Variants in CMSS1 observed in about 807,000 individuals in gnomAD.
CMSS1 encodes protein CMSS1.
A neutral mutation model predicts 43.5 loss-of-function variants in CMSS1; 33 were observed. That is an observed-to-expected ratio of 0.76 (90% confidence interval 0.57 to 1.01). CMSS1 has a LOEUF of 1.01. CMSS1 is among the 50% of genes least tolerant of loss of function. CMSS1 has a pLI of 0.00. For missense variants in CMSS1, 313 were observed against 326.4 expected, an observed-to-expected ratio of 0.96 and a Z score of 0.32; for synonymous variants, 115 against 117.2, an observed-to-expected ratio of 0.98 and a Z score of 0.12.
intron 1 of CMSS1, among the ~76,000 whole-genome samples, chr3:99,893,040 C>A (rs1389623444): frequency 1.3e-5 from 2 of 152,012 alleles, no homozygotes; most frequent in Admixed American, 6.6e-5. Context: ...TGCTAAGATG[C>A]AAGCATGATG....
chr3:99,900,611 C>T (rs1370064102), intron 1 of CMSS1, among the ~76,000 whole-genome samples: 4 of 152,270 alleles, frequency 2.6e-5, no homozygotes, highest in East Asian at 3.9e-4. Flanking sequence ...TTGTTCCAAC[C>T]ATTTCTTCAC....
intron 1 of CMSS1, chr3:99,850,547 T>G: frequency 6.2e-7 from 1 of 1,613,806 alleles, no homozygotes; most frequent in Non-Finnish European, 8.5e-7. Flanking sequence ...AGCACACGTT[T>G]CCTGAGCTCT....
intron 1 of CMSS1, among the ~76,000 whole-genome samples, chr3:99,918,757 A>T (rs1044963432): frequency 7.2e-5 from 11 of 152,210 alleles, no homozygotes; most frequent in Non-Finnish European, 1.5e-5. Flanking sequence ...TCCAGCATGT[A>T]TGAACACAAG....
At chr3:100,005,368 G>GA (rs1709958822) in intron 1 of CMSS1, among the ~76,000 whole-genome samples, 1 of 152,162 alleles carries the variant, frequency 6.6e-6, no homozygotes, top group South Asian at 2.1e-4. Flanking sequence ...ATTAGGATGG[G>GA]ATCTCAGAGT....
intron 1 of CMSS1, among the ~76,000 whole-genome samples, chr3:100,044,585 A>G (rs2065251570): frequency 6.6e-6 from 1 of 152,204 alleles, no homozygotes; most frequent in Admixed American, 6.5e-5. Context: ...AAGAGAGGGA[A>G]GTAGAAAGAT....
chr3:99,976,849 C>G (rs931095816), intron 1 of CMSS1, among the ~76,000 whole-genome samples: 1 of 151,930 alleles, frequency 6.6e-6, no homozygotes, highest in Non-Finnish European at 1.5e-5. Flanking sequence ...CTGTTCTTTC[C>G]TCCTGTTCAG....
intron 3 of CMSS1, among the ~76,000 whole-genome samples, chr3:100,161,955 A>G (rs1440852083): frequency 1.3e-5 from 2 of 152,208 alleles, no homozygotes; most frequent in Non-Finnish European, 2.9e-5. Context: ...CTACAGGAAT[A>G]TAAATCATCT....
At chr3:99,903,921 C>G (rs1281414821) in intron 1 of CMSS1, among the ~76,000 whole-genome samples, 1 of 152,190 alleles carries the variant, frequency 6.6e-6, no homozygotes. Context: ...AAAAACTCTT[C>G]ATTTGGTAAT....
rs2066507096 is a variant in CMSS1 at position 100,112,406 on chromosome 3, C to G, written c.65-34567C>G. On this transcript the variant is annotated intron_variant, in intron 1 of 9. Coordinates refer to ENST00000421999, the MANE Select transcript of CMSS1 (RefSeq NM_032359.4). ...GCAATGGCAGTCTCCTACAATAGCACTCTATTAAAGGCACCATCATTTCAA... is the reference window on the plus strand; with the variant it reads ...GCAATGGCAGTCTCCTACAATAGCAGTCTATTAAAGGCACCATCATTTCAA... Among the ~76,000 whole-genome samples, 3 of 152,188 alleles carry G rather than the reference C, an allele frequency of 2.0e-5. No homozygotes were observed. The South Asian group carries it at 6.2e-4, about 31-fold the overall frequency.
intron 1 of CMSS1, among the ~76,000 whole-genome samples, chr3:100,056,720 C>A (rs1006535958): frequency 2.6e-5 from 4 of 151,068 alleles, no homozygotes; most frequent in African/African-American, 9.7e-5. Flanking sequence ...AAAAATGGGG[C>A]CGGGCGCGGT....
intron 1 of CMSS1, among the ~76,000 whole-genome samples, chr3:99,843,749 G>A (rs923454683): frequency 3.3e-5 from 5 of 152,032 alleles, no homozygotes; most frequent in African/African-American, 1.2e-4. Context: ...CCTGGGCCAC[G>A]GACTGGTAGC....
intron 1 of CMSS1, among the ~76,000 whole-genome samples, chr3:100,078,960 G>T (rs578009841): frequency 2.6e-5 from 4 of 152,234 alleles, no homozygotes; most frequent in Non-Finnish European, 5.9e-5. Context: ...TTTGTGTTGG[G>T]CCACATTCAA....
At chr3:99,991,600 CT>C (rs1400349054) in intron 1 of CMSS1, among the ~76,000 whole-genome samples, 1 of 151,980 alleles carries the variant, frequency 6.6e-6, no homozygotes, top group African/African-American at 2.4e-5. Context: ...CCTCACCCCC[CT>C]GCCACCTTCC....
At chr3:99,869,264 T>C (rs1017995016) in intron 1 of CMSS1, among the ~76,000 whole-genome samples, 8 of 152,162 alleles carry the variant, frequency 5.3e-5, no homozygotes, top group African/African-American at 1.7e-4. Context: ...CTGTGATTCT[T>C]TGCATCTGTG....
intron 1 of CMSS1, among the ~76,000 whole-genome samples, chr3:100,117,271 A>C (rs1165230839): frequency 6.6e-6 from 1 of 152,164 alleles, no homozygotes; most frequent in Non-Finnish European, 1.5e-5. Context: ...ATTTTAATTC[A>C]GACAGAAACC....
At chr3:99,966,728 G>T (rs1258552030) in intron 1 of CMSS1, among the ~76,000 whole-genome samples, 1 of 152,224 alleles carries the variant, frequency 6.6e-6, no homozygotes, top group Non-Finnish European at 1.5e-5. Flanking sequence ...AATGTAGTGT[G>T]TCAGATTTGA....
At chr3:99,824,964 G>A (rs1028787920) in intron 1 of CMSS1, among the ~76,000 whole-genome samples, 1 of 152,150 alleles carries the variant, frequency 6.6e-6, no homozygotes, top group Non-Finnish European at 1.5e-5. Context: ...AATTCCTTCT[G>A]GAAATGGAGT....
chr3:100,130,883 G>A (rs2066700863), intron 1 of CMSS1, among the ~76,000 whole-genome samples: 1 of 152,144 alleles, frequency 6.6e-6, no homozygotes, highest in Non-Finnish European at 1.5e-5. Flanking sequence ...ACATCCTGGA[G>A]GATGACAGCA....
chr3:99,938,050 A>AGT (rs71625545), intron 1 of CMSS1, among the ~76,000 whole-genome samples: 11,372 of 148,846 alleles, frequency 0.076, 405 homozygotes, highest in East Asian at 0.11. Flanking sequence ...AGGCTCAGGA[A>AGT]GTGTGTGTGT....
Sources: allele counts gnomAD v4.1 joint callset (sites outside exome capture counted in the v4.1 genomes callset), GRCh38; gene constraint gnomAD v4.1.1; transcripts MANE v1.5; gene names NCBI Gene and HGNC (gene_info 2026-07-23, HGNC 2026-07-21).